Variants in CCDC148 observed in about 807,000 individuals in gnomAD.
CCDC148 encodes coiled-coil domain containing 148.
Under a neutral mutation model 85.7 loss-of-function variants are expected in CCDC148, and 89 were observed. That is an observed-to-expected ratio of 1.04 (90% CI 0.87 to 1.24). The LOEUF (loss-of-function observed/expected upper bound fraction) is 1.24. Among genes scored for constraint, CCDC148 ranks in the 50% most tolerant of loss-of-function variants. The probability of loss-of-function intolerance (pLI) is 0.00; values close to 1 mark genes in which losing one functional copy is unlikely to be tolerated. For synonymous variants in CCDC148, 230 were observed against 213.9 expected, an observed-to-expected ratio of 1.08 and a Z score of -0.66; for missense variants, 692 against 671.7, an observed-to-expected ratio of 1.03 and a Z score of -0.33.
intron 7 of CCDC148, among the ~76,000 whole-genome samples, chr2:158,314,950 G>A (rs1048150949): frequency 1.3e-5 from 2 of 152,024 alleles, no homozygotes; most frequent in African/African-American, 4.8e-5. Flanking sequence ...TGACACTGAT[G>A]GGAATTCCAA....
Position 158,171,254 on chromosome 2 carries a change from C to T in CCDC148, c.*859G>A, listed in dbSNP as rs1490433779. On this transcript the variant is annotated 3_prime_UTR_variant, in exon 14 of 14. Transcript: ENST00000283233. ...GTAGGTGGGAAATGTCAGGGAGCTG[C>T]AATAGACAGAAAAAGGAGTGGGGTA... is the stretch of plus-strand genomic sequence containing the variant. 1.3e-5 allele frequency: 2 copies of T among 151,192 alleles called. No individual in the cohort carries two copies. The highest frequency in any genetic ancestry group is 2.4e-5 in the African/African-American group (1 of 41,154). The allele number at this position is 151,192 out of a possible 1,614,324, so 9.4% of individuals were successfully genotyped here. A position where few individuals can be genotyped will look rare whatever the true frequency, so the allele number is the denominator to read the frequency against.
intron 7 of CCDC148, among the ~76,000 whole-genome samples, chr2:158,326,745 A>C (rs1442347176): frequency 6.6e-5 from 10 of 152,176 alleles, no homozygotes; most frequent in Non-Finnish European, 1.3e-4. Context: ...AAATTCAAAA[A>C]GTTTAATGAA....
chr2:158,212,694 T>G (rs1051026683), intron 11 of CCDC148, among the ~76,000 whole-genome samples: 2 of 152,238 alleles, frequency 1.3e-5, no homozygotes, highest in African/African-American at 2.4e-5. Context: ...TTTTGTTTTT[T>G]GTACTGTGGA....
At chr2:158,347,504 C>T (rs1271705933) in intron 2 of CCDC148, among the ~76,000 whole-genome samples, 2 of 151,708 alleles carry the variant, frequency 1.3e-5, no homozygotes, top group South Asian at 2.1e-4. Context: ...TCTTTAACAA[C>T]AGAGAGATGT....
At chr2:158,393,392 G>A (rs1467832752) in intron 1 of CCDC148, 1 of 152,180 alleles carries the variant, frequency 6.6e-6, no homozygotes, top group Non-Finnish European at 1.5e-5. Context: ...TGCTTAGGAT[G>A]GAGGGCCAAG....
chr2:158,434,310 G>T lies in CCDC148; in HGVS notation c.25+22105C>A, dbSNP rs544502427. On this transcript the variant is annotated intron_variant, in intron 1 of 13. Coordinates refer to ENST00000283233, the MANE Select transcript of CCDC148 (RefSeq NM_138803.4). Reference sequence around the variant, plus strand: ...ATCAGGCAGCAACATTTGTCATTCTGCAATATATGCTGTTCTGCAGCCTCC... The same window carrying T: ...ATCAGGCAGCAACATTTGTCATTCTTCAATATATGCTGTTCTGCAGCCTCC... Among the ~76,000 whole-genome samples, 3 of 152,240 alleles carry T rather than the reference G, an allele frequency of 2.0e-5. No individual in the cohort carries two copies. In the South Asian group the frequency reaches 6.2e-4, roughly 32 times the overall value.
At chr2:158,386,006 T>G (rs768099068) in intron 1 of CCDC148, among the ~76,000 whole-genome samples, 4 of 152,106 alleles carry the variant, frequency 2.6e-5, no homozygotes, top group Non-Finnish European at 2.9e-5. Flanking sequence ...TAATGTGTTG[T>G]CCCCTTTACA....
At chr2:158,187,372 G>A (rs573528704) in intron 11 of CCDC148, among the ~76,000 whole-genome samples, 6 of 151,792 alleles carry the variant, frequency 4.0e-5, no homozygotes, top group Non-Finnish European at 8.8e-5. Flanking sequence ...CAAATGGGGT[G>A]GAGGGATGTA....
At chr2:158,439,964 A>G (rs1175314395) in intron 1 of CCDC148, among the ~76,000 whole-genome samples, 1 of 152,050 alleles carries the variant, frequency 6.6e-6, no homozygotes, top group Non-Finnish European at 1.5e-5. Flanking sequence ...GGGATGAAGC[A>G]TCTTCCTATC....
chr2:158,405,839 T>C (rs1403921517), intron 1 of CCDC148, among the ~76,000 whole-genome samples: 2 of 152,148 alleles, frequency 1.3e-5, no homozygotes, highest in Non-Finnish European at 2.9e-5. Context: ...TAGTTTAAAG[T>C]AACTCATATG....
At chr2:158,401,738 G>A (rs1056504818) in intron 1 of CCDC148, among the ~76,000 whole-genome samples, 1 of 151,914 alleles carries the variant, frequency 6.6e-6, no homozygotes, top group Admixed American at 6.6e-5. Flanking sequence ...AGAGGGAAAA[G>A]GGAAATGTCC....
chr2:158,325,850 T>C (rs1692745188), intron 7 of CCDC148, among the ~76,000 whole-genome samples: 3 of 152,332 alleles, frequency 2.0e-5, no homozygotes, highest in South Asian at 4.1e-4. Flanking sequence ...ACAGGTGCTG[T>C]TGGCTCTGCC....
At chr2:158,435,304 G>A (rs1373398061) in intron 1 of CCDC148, among the ~76,000 whole-genome samples, 1 of 152,204 alleles carries the variant, frequency 6.6e-6, no homozygotes, top group Non-Finnish European at 1.5e-5. Context: ...CAAGCCAGAA[G>A]AGAGTGGGGG....
chr2:158,445,876 G>A (rs2105346559), intron 1 of CCDC148, among the ~76,000 whole-genome samples: 1 of 152,198 alleles, frequency 6.6e-6, no homozygotes, highest in East Asian at 1.9e-4. Context: ...ATTATGTGAT[G>A]GACTATGCTT....
chr2:158,304,590 A>G (rs969455078), intron 9 of CCDC148, among the ~76,000 whole-genome samples: 5 of 152,156 alleles, frequency 3.3e-5, no homozygotes, highest in Non-Finnish European at 5.9e-5. Context: ...TGGTTTCTTA[A>G]ATAGGGCACA....
At chr2:158,428,262 A>C (rs1687167557) in intron 1 of CCDC148, among the ~76,000 whole-genome samples, 1 of 152,168 alleles carries the variant, frequency 6.6e-6, no homozygotes, top group African/African-American at 2.4e-5. Flanking sequence ...CAAAAGACTT[A>C]AGAGGTAAAA....
chr2:158,175,695 G>T (rs1392182880), intron 13 of CCDC148, among the ~76,000 whole-genome samples: 9 of 152,072 alleles, frequency 5.9e-5, no homozygotes, highest in Non-Finnish European at 1.2e-4. Context: ...AATGAATTAT[G>T]CCTCTTTAGA....
chr2:158,437,563 G>A (rs1198358825), intron 1 of CCDC148, among the ~76,000 whole-genome samples: 1 of 152,092 alleles, frequency 6.6e-6, no homozygotes, highest in Admixed American at 6.5e-5. Context: ...TTTGAAAACT[G>A]GCACAAGACA....
At chr2:158,176,756 AT>A in intron 12 of CCDC148, 95 bp from the exon 13 acceptor site, 3 of 1,405,448 alleles carry the variant, frequency 2.1e-6, no homozygotes, top group Non-Finnish European at 2.9e-6. Context: ...AAGTTAAGAA[AT>A]TTTATTAAAG....
Sources: gnomAD v4.1 joint callset for allele counts (sites outside exome capture counted in the v4.1 genomes callset) on GRCh38, gnomAD v4.1.1 for gene constraint, MANE v1.5 for transcripts, NCBI Gene and HGNC (gene_info 2026-07-23, HGNC 2026-07-21) for gene names.